Variants in NAA25 observed in about 807,000 individuals in gnomAD.
NAA25 encodes N-alpha-acetyltransferase 25, NatB auxiliary subunit, also known as N-terminal acetyltransferase B complex subunit NAA25.
In NAA25, 30 loss-of-function variants were observed where a neutral mutation model predicts 132.5. The ratio of observed to expected loss-of-function variants is 0.23; its 90% CI spans 0.17 to 0.31. The LOEUF is 0.31. NAA25 is among the 10% of genes least tolerant of loss of function. NAA25 has a pLI of 1.00. For missense variants in NAA25, 771 were observed against 1,150.4 expected, an observed-to-expected ratio of 0.67 and a Z score of 4.77; for synonymous variants, 359 against 401.9, an observed-to-expected ratio of 0.89 and a Z score of 1.28.
intron 18 of NAA25, 63 bp from the exon 19 acceptor site, chr12:112,043,274 A>G: frequency 6.7e-7 from 1 of 1,498,224 alleles, no homozygotes; most frequent in East Asian, 2.3e-5. Context: ...AAAATAAGAA[A>G]ATCAGGTAAC....
rs1465817685 is a variant in NAA25, at chr12:112,086,260, C to T, written c.402+1423G>A. On this transcript the variant is annotated intron_variant, in intron 4 of 23. Coordinates refer to ENST00000261745, the MANE Select transcript of NAA25 (RefSeq NM_024953.4). ...TCTGTAATCCCAGCATTTTGGGAGC[C>T]CAAGGTGGGTGGATCACTTGAGGTG... Among the ~76,000 whole-genome samples the T allele has an allele frequency of 2.6e-5, 4 of 151,090 alleles. No individual in the cohort carries two copies. In the East Asian group the frequency reaches 7.8e-4, roughly 29 times the overall value.
intron 4 of NAA25, among the ~76,000 whole-genome samples, chr12:112,083,644 G>A (rs4767364): frequency 0.46 from 69,407 of 152,102 alleles, 20,093 homozygotes; most frequent in East Asian, 0.9. Context: ...ACTGGGGTAC[G>A]TATACTCCAC....
intron 22 of NAA25, chr12:112,035,043 CA>C (rs938183381): frequency 2.6e-5 from 4 of 151,942 alleles, no homozygotes; most frequent in African/African-American, 9.7e-5. Flanking sequence ...TATATGAAAA[CA>C]AAAAGGCAAG....
At chr12:112,077,656 G>T (rs2078912940) in intron 7 of NAA25, among the ~76,000 whole-genome samples, 1 of 151,810 alleles carries the variant, frequency 6.6e-6, no homozygotes. Context: ...TAAAGTATGG[G>T]TATAAGAGTA....
At chr12:112,079,402 T>C (rs561386040) in intron 5 of NAA25, among the ~76,000 whole-genome samples, 17 of 152,164 alleles carry the variant, frequency 1.1e-4, no homozygotes, top group Middle Eastern at 3.4e-3. Context: ...CTGGCCAACA[T>C]GGCAAAACCC....
At chr12:112,095,380 T>C (rs371755282) in intron 1 of NAA25, among the ~76,000 whole-genome samples, 2 of 151,164 alleles carry the variant, frequency 1.3e-5, no homozygotes, top group African/African-American at 4.9e-5. Flanking sequence ...GGGCTTGCAG[T>C]GAGCTGAGAT....
intron 7 of NAA25, among the ~76,000 whole-genome samples, chr12:112,077,002 A>G (rs2136899444): frequency 6.6e-6 from 1 of 150,928 alleles, no homozygotes; most frequent in Non-Finnish European, 1.5e-5. Context: ...TCTCAAAAAC[A>G]ACAACAACAA....
intron 1 of NAA25, among the ~76,000 whole-genome samples, chr12:112,104,151 T>C (rs2079330516): frequency 6.6e-6 from 1 of 152,294 alleles, no homozygotes; most frequent in Admixed American, 6.5e-5. Context: ...GAAAATATCT[T>C]ACACCTGATC....
At chr12:112,078,149 G>T in intron 7 of NAA25, 39 bp downstream of exon 7, 1 of 1,393,378 alleles carries the variant, frequency 7.2e-7, no homozygotes, top group Non-Finnish European at 9.9e-7. Flanking sequence ...TGTTTAAATA[G>T]GAAAAAAAAA....
intron 23 of NAA25, among the ~76,000 whole-genome samples, chr12:112,030,210 CAAAAAAAAA>C (rs67757055): frequency 2.1e-4 from 11 of 53,398 alleles, no homozygotes; most frequent in Admixed American, 7.4e-4. Context: ...AAAGCTGTCT[CAAAAAAAAA>C]AAAAAAAAAA....
chr12:112,078,543 T>A, intron 6 of NAA25, 91 bp downstream of exon 6: 1 of 1,206,560 alleles, frequency 8.3e-7, no homozygotes, highest in Non-Finnish European at 1.2e-6. Context: ...GCTATCAAAC[T>A]GGAACAAAAC....
At chr12:112,062,675 G>A (rs1450089983) in intron 11 of NAA25, among the ~76,000 whole-genome samples, 3 of 149,708 alleles carry the variant, frequency 2.0e-5, no homozygotes, top group East Asian at 2.0e-4. Context: ...GCAGTGAGCC[G>A]AGATCGCACC....
intron 1 of NAA25, among the ~76,000 whole-genome samples, chr12:112,106,710 A>G (rs891509287): frequency 1.3e-5 from 2 of 151,894 alleles, no homozygotes; most frequent in African/African-American, 2.4e-5. Context: ...TAATCCCAGC[A>G]CTCTGGGAGG....
intron 9 of NAA25, among the ~76,000 whole-genome samples, chr12:112,073,852 G>A (rs76966087): frequency 1.0e-3 from 155 of 152,034 alleles, no homozygotes; most frequent in African/African-American, 3.5e-3. Context: ...AAAAATCCAA[G>A]TATCATCAAT....
Position 112,086,102 on chromosome 12 carries a change from A to ACACACACACACACACACACACC in NAA25, c.402+1580_402+1581insGGTGTGTGTGTGTGTGTGTGTG, listed in dbSNP as rs796241170. On this transcript the variant is annotated intron_variant, in intron 4 of 23. Transcript: ENST00000261745. ...CACACACACACACACACACACACAC[A>ACACACACACACACACACACACC]CCCATAACCATTTTACATTTTTAAA... Among the ~76,000 whole-genome samples, 199 of 120,786 alleles carry ACACACACACACACACACACACC rather than the reference A, an allele frequency of 1.6e-3. 2 individuals are homozygous for ACACACACACACACACACACACC. The highest frequency in any genetic ancestry group is 0.014 in the East Asian group (47 of 3,316). 79.2% of individuals were successfully genotyped at this position (120,786 alleles called of 152,430 possible). A position where few individuals can be genotyped will look rare whatever the true frequency, so the allele number is the denominator to read the frequency against.
chr12:112,053,069 C>T (rs915088250), intron 15 of NAA25, among the ~76,000 whole-genome samples: 2 of 152,174 alleles, frequency 1.3e-5, no homozygotes, highest in Non-Finnish European at 2.9e-5. Context: ...CTTTAAAAAA[C>T]ATATTATTCA....
chr12:112,108,531 G>C (rs543537384), intron 1 of NAA25, among the ~76,000 whole-genome samples, 185 bp downstream of exon 1: 10 of 152,008 alleles, frequency 6.6e-5, no homozygotes, highest in African/African-American at 2.4e-4. Context: ...CCACCCCAAG[G>C]CTGAGGAAGG....
At chr12:112,090,583 G>T in intron 3 of NAA25, 143 bp downstream of exon 3, 1 of 702,638 alleles carries the variant, frequency 1.4e-6, no homozygotes, top group Non-Finnish European at 2.3e-6. Flanking sequence ...TCTATCTACA[G>T]TTCTCGCAAA....
rs750461893 is a variant in NAA25 at position 112,090,729 on chromosome 12, G to A, written c.280C>T (p.Arg94Ter). 6.2e-7 allele frequency: 1 copy of A among 1,607,176 alleles called. No individual in the cohort carries two copies. Among genetic ancestry groups the A allele is most frequent in the Non-Finnish European group, 8.5e-7 (1 of 1,178,262 alleles). The change falls in exon 3 of 24, where the codon CGA becomes TGA. Residue 94 changes from arginine (R) to a stop codon, truncating the protein, a stop_gained. Coordinates refer to ENST00000261745, the MANE Select transcript of NAA25 (RefSeq NM_024953.4). LOFTEE classifies it high-confidence loss of function. ...ALTILYREMH[R>*]PELVTKLYEA... ...CAATGAAAAGAAAGAAACATACGTCGGTGCATCTCCCGGTAAAGGATAGTC... is the reference window on the plus strand; with the variant it reads ...CAATGAAAAGAAAGAAACATACGTCAGTGCATCTCCCGGTAAAGGATAGTC...
Sources: gnomAD v4.1 joint callset for allele counts (sites outside exome capture counted in the v4.1 genomes callset) on GRCh38, gnomAD v4.1.1 for gene constraint, MANE v1.5 for transcripts, NCBI Gene and HGNC (gene_info 2026-07-23, HGNC 2026-07-21) for gene names.